The following SLC7A2 variants were observed in gnomAD, a reference collection of about 807,000 sequenced individuals.
SLC7A2 encodes solute carrier family 7 member 2.
A neutral mutation model predicts 58.9 loss-of-function variants in SLC7A2; 48 were observed. The observed-to-expected ratio is 0.82, with a 90% confidence interval of 0.65 to 1.04. The LOEUF is 1.04. SLC7A2 is among the 50% of genes least tolerant of loss of function. The pLI is 0.00. For synonymous variants in SLC7A2, 363 were observed against 314.5 expected, an observed-to-expected ratio of 1.15 and a Z score of -1.63; for missense variants, 1,029 against 818.8, an observed-to-expected ratio of 1.26 and a Z score of -3.13.
rs766254437 is a variant in SLC7A2, at chr8:17,562,035, G to C, written c.1596G>C (p.Leu532=). Residue 532 remains leucine (L), a synonymous_variant, in exon 11 of 13, where the codon CTG becomes CTC. Transcript: ENST00000494857. ...CCTGGAGCCTCGCTCTCCTCGCGCT[G>C]TTTCTTGTTCTCTTCGTTGCCATCG... The part of the protein sequence containing the change: ...LEAWSLALLA[L]FLVLFVAIVL... The C allele has an allele frequency of 2.5e-6, 4 of 1,614,060 alleles. No individual in the cohort carries two copies. In the South Asian group the frequency reaches 3.3e-5, roughly 13 times the overall value.
chr8:17,499,934 C>T (rs1157301339), intron 1 of SLC7A2: 1 of 152,104 alleles, frequency 6.6e-6, no homozygotes, highest in Non-Finnish European at 1.5e-5. Context: ...ATAACACATG[C>T]TTATATGTCT....
At chr8:17,522,306 G>C (rs10106501) in intron 2 of SLC7A2, among the ~76,000 whole-genome samples, 72,898 of 151,526 alleles carry the variant, frequency 0.48, 18,494 homozygotes, top group Middle Eastern at 0.59. Context: ...GGGGAAACTA[G>C]CCCCATGATT....
At chr8:17,516,253 T>C (rs1800799453) in intron 2 of SLC7A2, among the ~76,000 whole-genome samples, 1 of 151,852 alleles carries the variant, frequency 6.6e-6, no homozygotes, top group African/African-American at 2.4e-5. Flanking sequence ...TGAGATGGAA[T>C]CTCGCTCTGT....
chr8:17,505,611 C>T (rs1216719146), intron 2 of SLC7A2, among the ~76,000 whole-genome samples: 5 of 152,126 alleles, frequency 3.3e-5, no homozygotes, highest in Admixed American at 2.0e-4. Context: ...GGGCCAGAAA[C>T]AAATTTACTT....
chr8:17,502,937 A>T lies in SLC7A2; in HGVS notation c.-23+635A>T, dbSNP rs556709431. ...TTATATTATTATTTAAAAATATTAT[A>T]TAAGTTAATAAAATTTTAAATGAAC... On this transcript the variant is annotated intron_variant, in intron 2 of 12. Transcript: ENST00000494857. 1.2e-3 allele frequency among the ~76,000 whole-genome samples: 185 copies of T among 152,046 alleles called. 1 individual carries two copies. Among genetic ancestry groups the T allele is most frequent in the African/African-American group, 4.0e-3 (167 of 41,536 alleles).
chr8:17,521,052 C>T (rs1800994110), intron 2 of SLC7A2, among the ~76,000 whole-genome samples: 1 of 152,200 alleles, frequency 6.6e-6, no homozygotes, highest in Middle Eastern at 3.4e-3. Context: ...ATGATAGTTA[C>T]TCTTGCTGAT....
chr8:17,547,900 A>G (rs1361439198), intron 4 of SLC7A2, among the ~76,000 whole-genome samples: 3 of 152,062 alleles, frequency 2.0e-5, no homozygotes, highest in African/African-American at 7.2e-5. Flanking sequence ...TTGAATAGAA[A>G]TTGATCACTT....
intron 1 of SLC7A2, among the ~76,000 whole-genome samples, chr8:17,497,624 C>A (rs1221641080): frequency 6.6e-6 from 1 of 152,196 alleles, no homozygotes; most frequent in Non-Finnish European, 1.5e-5. Flanking sequence ...AGGAGCTCGG[C>A]GCACCCCTCT....
chr8:17,546,977 G>A (rs1802201380), intron 4 of SLC7A2, among the ~76,000 whole-genome samples: 3 of 151,860 alleles, frequency 2.0e-5, no homozygotes, highest in Non-Finnish European at 4.4e-5. Flanking sequence ...TTTTTTCAAG[G>A]TAGAAACTAA....
chr8:17,497,933 C>G (rs1458792312), intron 1 of SLC7A2, among the ~76,000 whole-genome samples: 1 of 152,198 alleles, frequency 6.6e-6, no homozygotes, highest in Non-Finnish European at 1.5e-5. Context: ...GAGTACCTGT[C>G]CGTTCAGAAA....
intron 2 of SLC7A2, among the ~76,000 whole-genome samples, chr8:17,503,759 G>T (rs1210923619): frequency 6.6e-6 from 1 of 152,190 alleles, no homozygotes; most frequent in Non-Finnish European, 1.5e-5. Flanking sequence ...AGGCTACTCT[G>T]TATGGACTTT....
chr8:17,548,265 C>T (rs1361753114), intron 4 of SLC7A2, among the ~76,000 whole-genome samples: 1 of 152,178 alleles, frequency 6.6e-6, no homozygotes, highest in Non-Finnish European at 1.5e-5. Flanking sequence ...TGTTTGAGCA[C>T]AGGTGGCAGA....
At chr8:17,497,062 A>C (rs1435340143), upstream of SLC7A2, 1 of 150,724 alleles carries the variant, frequency 6.6e-6, no homozygotes, top group Non-Finnish European at 1.5e-5. Flanking sequence ...GGGTGGCTAC[A>C]CAGAGGGGCG....
In SLC7A2 at chr8:17,503,881, C is replaced by A. The variant is rs185439982; in HGVS notation, c.-23+1579C>A. Among the ~76,000 whole-genome samples the A allele has an allele frequency of 1.6e-4, 24 of 152,256 alleles. No individual in the cohort carries two copies. The East Asian group carries it at 3.7e-3, about 23-fold the overall frequency. ...GTGATTTAAGCAATTGTTTGGGAGA[C>A]GTCTTTGCTCTTGAGTTCTGGGGAA... On this transcript the variant is annotated intron_variant, in intron 2 of 12. Transcript: ENST00000494857.
At chr8:17,512,745 T>C (rs1399238250) in intron 2 of SLC7A2, among the ~76,000 whole-genome samples, 1 of 152,190 alleles carries the variant, frequency 6.6e-6, no homozygotes, top group Admixed American at 6.5e-5. Flanking sequence ...TAGAACTTTT[T>C]AATTTTGCAA....
intron 8 of SLC7A2, 45 bp from the exon 9 acceptor site, chr8:17,558,250 T>C: frequency 7.9e-7 from 1 of 1,268,772 alleles, no homozygotes; most frequent in Non-Finnish European, 1.2e-6. Flanking sequence ...GTATGGAATT[T>C]CCTCCTGGGC....
chr8:17,545,398 A>ATTTTC (rs1802115645), intron 4 of SLC7A2, among the ~76,000 whole-genome samples: 1 of 93,608 alleles, frequency 1.1e-5, no homozygotes, highest in Non-Finnish European at 2.2e-5. Context: ...CTATTTGAAC[A>ATTTTC]TTTTCTTTTT....
intron 9 of SLC7A2, among the ~76,000 whole-genome samples, 195 bp downstream of exon 9, chr8:17,558,592 T>C (rs1327394718): frequency 5.3e-5 from 8 of 152,218 alleles, no homozygotes; most frequent in Non-Finnish European, 2.9e-5. Flanking sequence ...AAGTTGACCA[T>C]GAGTGATAGG....
chr8:17,515,454 C>A (rs896110488), intron 2 of SLC7A2, among the ~76,000 whole-genome samples: 1 of 152,096 alleles, frequency 6.6e-6, no homozygotes, highest in African/African-American at 2.4e-5. Flanking sequence ...TGCCACCACA[C>A]CCAGCTAATT....
Sources: allele counts gnomAD v4.1 joint callset (sites outside exome capture counted in the v4.1 genomes callset), GRCh38; gene constraint gnomAD v4.1.1; transcripts MANE v1.5; gene names NCBI Gene and HGNC (gene_info 2026-07-23, HGNC 2026-07-21).